The following RTKN variants were observed in gnomAD, a reference collection of about 807,000 sequenced individuals.
RTKN encodes the protein rhotekin.
In RTKN, 49 loss-of-function variants were observed where a neutral mutation model predicts 63.5. The observed-to-expected ratio is 0.77, with a 90% CI of 0.61 to 0.98. RTKN has a LOEUF of 0.98. RTKN is among the 50% of genes least tolerant of loss of function. The probability of loss-of-function intolerance (pLI) is 0.00; values close to 1 mark genes in which losing one functional copy is unlikely to be tolerated. For missense variants in RTKN, 685 were observed against 740.8 expected (o/e 0.92, Z 0.87); for synonymous variants, 295 against 290.4 (o/e 1.02, Z -0.16).
chr2:74,441,631 A>T, intron 1 of RTKN, 75 bp downstream of exon 1: 1 of 1,051,298 alleles, frequency 9.5e-7, no homozygotes, highest in South Asian at 1.4e-5. Flanking sequence ...CACGCGGGCG[A>T]GGGAAGGAGG....
rs1208306554 is a variant in RTKN at position 74,429,340 on chromosome 2, TC to T, written c.756-399del. 1.5e-4 allele frequency among the ~76,000 whole-genome samples: 23 copies of T among 152,204 alleles called. 1 individual carries two copies. The highest frequency in any genetic ancestry group is 1.5e-3 in the Admixed American group (23 of 15,278). ...AAACTGCTTCTCAGAGTCTCAGTGG[TC>T]CCATGCGGTGTCTCCAGGTGCATTT... On this transcript the variant is annotated intron_variant, in intron 6 of 11. Coordinates refer to ENST00000272430, the MANE Select transcript of RTKN (RefSeq NM_001015055.2).
At chr2:74,438,372 ACTCCCACCTGAAGTGGGAGTGAAACAGC>A (rs1248080064) in intron 1 of RTKN, among the ~76,000 whole-genome samples, 1 of 151,844 alleles carries the variant, frequency 6.6e-6, no homozygotes, top group Admixed American at 6.6e-5. Flanking sequence ...CACCAGGTTC[ACTCCCACCTGAAGTGGGAGTGAAACAGC>A]CTCCCACCTG....
At chr2:74,431,338 C>G (rs1435690005) in intron 2 of RTKN, among the ~76,000 whole-genome samples, 2 of 152,098 alleles carry the variant, frequency 1.3e-5, no homozygotes, top group Admixed American at 1.3e-4. Context: ...CTGCAGGGCC[C>G]GACACCCCAC....
chr2:74,440,011 T>C, intron 1 of RTKN: 1 of 1,062,428 alleles, frequency 9.4e-7, no homozygotes, highest in East Asian at 6.7e-5. Context: ...ATTCCGACTC[T>C]GGCCGCTCCC....
chr2:74,426,470 G>A lies in RTKN; in HGVS notation c.1465C>T (p.Gln489Ter). 6.2e-7 allele frequency: 1 copy of A among 1,608,022 alleles called. No homozygotes were observed. The highest frequency in any genetic ancestry group is 8.5e-7 in the Non-Finnish European group (1 of 1,176,272). The change falls in exon 12 of 12, where the codon CAG (glutamine) becomes TAG (stop). Residue 489 changes from glutamine (Q) to a stop codon, truncating the protein, a stop_gained. Transcript: ENST00000272430. LOFTEE classifies it high-confidence loss of function. ...PPPWLAMFTDQPALPNPCSPA... is the reference protein window; with the variant it reads ...PPPWLAMFTD ...GAGCAGGGGTTAGGCAGGGCAGGCT[G>A]GTCTGTAAACATTGCCAGCCAGGGT... is the stretch of plus-strand genomic sequence containing the variant.
At position 74,434,003 on chromosome 2, in the gene RTKN, A is replaced by G. The variant is rs1483747542; in HGVS notation, c.112-1337T>C. On this transcript the variant is annotated intron_variant, in intron 1 of 11. Transcript: ENST00000272430. ...ACTACCATTTGTGCATGATATATAT[A>G]TATGTATGCATGCATATATATACAT... Among the ~76,000 whole-genome samples the G allele has an allele frequency of 2.6e-5, 4 of 152,284 alleles. No homozygotes were observed. The South Asian group carries it at 8.3e-4, about 32-fold the overall frequency.
chr2:74,439,170 C>T (rs1671214176), intron 1 of RTKN, among the ~76,000 whole-genome samples: 1 of 152,204 alleles, frequency 6.6e-6, no homozygotes, highest in South Asian at 2.1e-4. Flanking sequence ...CAAGGGCCAG[C>T]AGAATCCTTA....
chr2:74,430,766 C>T, intron 2 of RTKN, 89 bp from the exon 3 acceptor site: 1 of 1,285,912 alleles, frequency 7.8e-7, no homozygotes, highest in Non-Finnish European at 1.1e-6. Context: ...CCCCTGATCC[C>T]AGCGCCTCAG....
intron 1 of RTKN, chr2:74,439,705 C>G (rs543204281): frequency 6.3e-7 from 1 of 1,583,562 alleles, no homozygotes; most frequent in East Asian, 2.3e-5. Context: ...ACAGTTCCTC[C>G]TCCCACTGTT....
At chr2:74,434,649 C>T (rs976185276) in intron 1 of RTKN, among the ~76,000 whole-genome samples, 10 of 152,202 alleles carry the variant, frequency 6.6e-5, no homozygotes, top group African/African-American at 2.4e-4. Flanking sequence ...CTCCTGGCCT[C>T]AAGTGATCCT....
At chr2:74,430,856 C>G (rs1270994891) in intron 2 of RTKN, 179 bp from the exon 3 acceptor site, 1 of 623,336 alleles carries the variant, frequency 1.6e-6, no homozygotes, top group Non-Finnish European at 2.8e-6. Flanking sequence ...AGCAGTTTGC[C>G]AGGCTTGGGG....
intron 1 of RTKN, among the ~76,000 whole-genome samples, chr2:74,433,075 C>T (rs1445021107): frequency 6.6e-6 from 1 of 152,098 alleles, no homozygotes; most frequent in Admixed American, 6.5e-5. Context: ...AACCCCGTCT[C>T]TACTAAAAAT....
rs544337776 is a variant in RTKN, at chr2:74,436,829, C to T, written c.112-4163G>A. 1.3e-5 allele frequency among the ~76,000 whole-genome samples: 2 copies of T among 152,282 alleles called. No homozygotes were observed. The highest frequency in any genetic ancestry group is 1.3e-4 in the Admixed American group (2 of 15,302). On this transcript the variant is annotated intron_variant, in intron 1 of 11. Transcript: ENST00000272430. The surrounding 1 kb of genome is among the most constrained non-coding windows in gnomAD (Gnocchi z 4.3). ...GGGAATCCTGGCTCAGGATCTGGAC[C>T]CTTGTGCTTCTAGCGTTTCCCCAAC...
At chr2:74,441,392 G>C (rs1215770840) in intron 1 of RTKN, among the ~76,000 whole-genome samples, 1 of 152,216 alleles carries the variant, frequency 6.6e-6, no homozygotes, top group African/African-American at 2.4e-5. Context: ...CCCTTGGCCC[G>C]GGGATGCCCA....
Position 74,432,516 on chromosome 2 carries a change from C to A in RTKN, c.262G>T (p.Glu88Ter), listed in dbSNP as rs374157011. 1 of 1,613,650 alleles carries A rather than the reference C, an allele frequency of 6.2e-7. No individual in the cohort carries two copies. Among genetic ancestry groups the A allele is most frequent in the Non-Finnish European group, 8.5e-7 (1 of 1,180,036 alleles). Residue 88 changes from glutamate (E) to a stop codon, truncating the protein, a stop_gained, in exon 2 of 12, where the codon GAG (glutamate) becomes TAG (stop). Transcript: ENST00000272430. LOFTEE classifies it high-confidence loss of function. ...CNSRILSYMG[E>*]LQRRKEAQVL... ...TGCGCCTCCTTGCGCCGCTGCAGCT[C>A]GCCCATGTAGCTGAGGATGCGGCTG...
At chr2:74,427,135 T>A in intron 11 of RTKN, 34 bp downstream of exon 11, 1 of 1,593,118 alleles carries the variant, frequency 6.3e-7, no homozygotes, top group Non-Finnish European at 8.6e-7. Context: ...CTACTTCCCA[T>A]TAGCTTCCTG....
At chr2:74,428,770 G>A in intron 7 of RTKN, 33 bp from the exon 8 acceptor site, 1 of 1,606,824 alleles carries the variant, frequency 6.2e-7, no homozygotes, top group Non-Finnish European at 8.5e-7. Context: ...GTGAGGTAGG[G>A]GAATGAGAAG....
intron 1 of RTKN, chr2:74,440,061 C>T: frequency 1.1e-6 from 1 of 951,752 alleles, no homozygotes; most frequent in Non-Finnish European, 1.3e-6. Context: ...GACAGGGAAT[C>T]TGTGTGCGGA....
rs767115897 is a variant in RTKN, at chr2:74,430,001, C to T, written c.582G>A (p.Glu194=). 3.7e-6 allele frequency: 6 copies of T among 1,614,258 alleles called. No individual in the cohort carries two copies. Among genetic ancestry groups the T allele is most frequent in the South Asian group, 2.2e-5 (2 of 91,090 alleles). ...EAGPDFELRL[E]LYGACVEEEG... ...CTTCTTCCACACAGGCCCCATACAG[C>T]TCTAACCGCAGTTCAAAGTCTGGCC... Residue 194 remains glutamate, a synonymous_variant, in exon 6 of 12, where the codon GAG becomes GAA. Coordinates refer to ENST00000272430, the MANE Select transcript of RTKN (RefSeq NM_001015055.2).
Sources: allele counts gnomAD v4.1 joint callset (sites outside exome capture counted in the v4.1 genomes callset), GRCh38; gene constraint gnomAD v4.1.1; non-coding constraint Gnocchi (gnomAD v3.1); transcripts MANE v1.5; gene names NCBI Gene and HGNC (gene_info 2026-07-23, HGNC 2026-07-21).